NBEAL2: variants seen among roughly 807,000 people sequenced by gnomAD.
NBEAL2 encodes neurobeachin like 2, also known as neurobeachin-like protein 2.
Under a neutral mutation model 299.8 loss-of-function variants are expected in NBEAL2, and 160 were observed. The ratio of observed to expected loss-of-function variants is 0.53; its 90% CI spans 0.47 to 0.61. The LOEUF (loss-of-function observed/expected upper bound fraction) is 0.61, where lower values mean the gene tolerates loss of function less well. Ranked by LOEUF, NBEAL2 falls within the 20% of genes least tolerant of loss-of-function variation. NBEAL2 has a pLI of 0.00. For synonymous variants in NBEAL2, 1,493 were observed against 1,542.3 expected, an observed-to-expected ratio of 0.97 and a Z score of 0.75; for missense variants, 3,112 against 3,649.0, an observed-to-expected ratio of 0.85 and a Z score of 3.79.
Position 47,008,673 on chromosome 3 carries a change from G to C in NBEAL2, c.8027+5G>C. ...GCACATCCTCCAACTAAACACGTAAGCCCCCCATTTATGGGTTCATGGCCC... is the reference window on the plus strand; with the variant it reads ...GCACATCCTCCAACTAAACACGTAACCCCCCCATTTATGGGTTCATGGCCC... On this transcript the variant is annotated splice_donor_5th_base_variant and intron_variant, in intron 52 of 53. Transcript: ENST00000450053. The C allele has an allele frequency of 1.9e-6, 3 of 1,613,072 alleles. No homozygotes were observed. Among genetic ancestry groups the C allele is most frequent in the Non-Finnish European group, 2.5e-6 (3 of 1,179,858 alleles).
At chr3:46,994,688 A>G (rs2036351294) in intron 12 of NBEAL2, 135 bp downstream of exon 12, 1 of 798,042 alleles carries the variant, frequency 1.3e-6, no homozygotes, top group South Asian at 1.8e-5. Context: ...TAGCCTGGCC[A>G]TGTCTGTTAG....
rs1040285734 is a variant in NBEAL2, at chr3:47,000,649, C to T, written c.4305+245C>T. Among the ~76,000 whole-genome samples, 6 of 152,178 alleles carry T rather than the reference C, an allele frequency of 3.9e-5. No individual in the cohort carries two copies. The highest frequency in any genetic ancestry group is 4.4e-5 in the Non-Finnish European group (3 of 68,030). Reference sequence around the variant, plus strand: ...ACCAGCCAGGCTTCAGAAGGGCCCTCAAGAGAGCCTGTAGGGCAGACACCT... The same window carrying T: ...ACCAGCCAGGCTTCAGAAGGGCCCTTAAGAGAGCCTGTAGGGCAGACACCT... On this transcript the variant is annotated intron_variant, in intron 27 of 53. Transcript: ENST00000450053. The surrounding 1 kb of genome is among the most constrained non-coding windows in gnomAD (Gnocchi z 4.5).
At chr3:46,998,595 G>T in intron 22 of NBEAL2, 30 bp downstream of exon 22, 1 of 1,595,536 alleles carries the variant, frequency 6.3e-7, no homozygotes. Context: ...ATGGGCCATG[G>T]GGGGCTGACA....
Position 46,991,126 on chromosome 3 carries a change from C to G in NBEAL2, c.557-93C>G, listed in dbSNP as rs1476803549. The G allele has an allele frequency of 2.6e-6, 3 of 1,156,584 alleles. No individual in the cohort carries two copies. In the African/African-American group the frequency reaches 4.6e-5, roughly 18 times the overall value. 71.6% of individuals were successfully genotyped at this position (1,156,584 alleles called of 1,614,324 possible). A position where few individuals can be genotyped will look rare whatever the true frequency, so the allele number is the denominator to read the frequency against. ...TTTACTTGGCCCAGCTCCCTCTCCCCTCCACCCCAGGGCACTCACCTCTTG... is the reference window on the plus strand; with the variant it reads ...TTTACTTGGCCCAGCTCCCTCTCCCGTCCACCCCAGGGCACTCACCTCTTG... On this transcript the variant is annotated intron_variant, in intron 6 of 53. Transcript: ENST00000450053. The surrounding 1 kb of genome is among the most constrained non-coding windows in gnomAD (Gnocchi z 6.2).
intron 25 of NBEAL2, 46 bp downstream of exon 25, chr3:46,999,520 A>G (rs745762370): frequency 6.3e-7 from 1 of 1,583,992 alleles, no homozygotes. Flanking sequence ...ATGTCAGAAA[A>G]ACAGGGCAGG....
rs1178178283 is a variant in NBEAL2 at position 47,009,562 on chromosome 3, C to T, written c.*242C>T. 1 of 551,780 alleles carries T rather than the reference C, an allele frequency of 1.8e-6. No homozygotes were observed. Among genetic ancestry groups the T allele is most frequent in the East Asian group, 3.2e-5 (1 of 31,470 alleles). 34.2% of individuals were successfully genotyped at this position (551,780 alleles called of 1,614,324 possible). A position where few individuals can be genotyped will look rare whatever the true frequency, so the allele number is the denominator to read the frequency against. On this transcript the variant is annotated 3_prime_UTR_variant, in exon 54 of 54. Coordinates refer to ENST00000450053, the MANE Select transcript of NBEAL2 (RefSeq NM_015175.3). ...GCACTGGCGTCTGCGGCCGCAGCAG[C>T]ACTTTTTGCACAGTCTGGGGCGGGG...
Position 47,000,381 on chromosome 3 carries a change from A to G in NBEAL2, c.4282A>G (p.Thr1428Ala). ...LPEPTISGDD[T>A]SNTSNPQQTS... Reference sequence around the variant, plus strand: ...GGAGCCCACCATTAGCGGGGATGATACCTCGAACACCAGCAACCCACAGGT... The same window carrying G: ...GGAGCCCACCATTAGCGGGGATGATGCCTCGAACACCAGCAACCCACAGGT... Residue 1428 changes from threonine (T) to alanine (A), a missense_variant, in exon 27 of 54, where the codon ACC becomes GCC. Coordinates refer to ENST00000450053, the MANE Select transcript of NBEAL2 (RefSeq NM_015175.3). This position sits in a 1 kb window ranked among gnomAD's most constrained non-coding sequence, Gnocchi z 4.5. 1 of 1,577,056 alleles carries G rather than the reference A, an allele frequency of 6.3e-7. No homozygotes were observed. The highest frequency in any genetic ancestry group is 8.6e-7 in the Non-Finnish European group (1 of 1,158,494).
intron 47 of NBEAL2, 24 bp from the exon 48 acceptor site, chr3:47,007,501 T>A (rs2107455004): frequency 6.2e-7 from 1 of 1,600,332 alleles, no homozygotes; most frequent in East Asian, 2.3e-5. Flanking sequence ...CTGGCCTCAC[T>A]TGCTATCCCC....
chr3:47,005,838 C>T lies in NBEAL2; in HGVS notation c.6792C>T (p.Arg2264=), dbSNP rs1340484861. 2 of 1,613,376 alleles carry T rather than the reference C, an allele frequency of 1.2e-6. No individual in the cohort carries two copies. The highest frequency in any genetic ancestry group is 1.7e-5 in the Admixed American group (1 of 60,028). Reference sequence around the variant, plus strand: ...CTGAGGACTTCATCCAGCAGCACCGCCAGGCTCTGGTGAGGAAGGAACCAC... The same window carrying T: ...CTGAGGACTTCATCCAGCAGCACCGTCAGGCTCTGGTGAGGAAGGAACCAC... ...SSPEDFIQQH[R]QALESEYVSA... is the part of the protein sequence containing the mutation. Residue 2264 remains arginine (R), a synonymous_variant, in exon 42 of 54, where the codon CGC becomes CGT. Coordinates refer to ENST00000450053, the MANE Select transcript of NBEAL2 (RefSeq NM_015175.3).
In NBEAL2 at chr3:47,007,662, G is replaced by C. The variant is rs1377087772; in HGVS notation, c.7472G>C (p.Arg2491Pro). ...AGCCTGCGGGTGACTGCACTACCCC[G>C]TGGCAAGCTGTTGAGCCAGCTCAGC... ...DGSLRVTALP[R>P]GKLLSQLSCH... The change falls in exon 48 of 54, where the codon CGT (arginine) becomes CCT (proline). Residue 2491 changes from arginine to proline, a missense_variant. This residue lies in a region of NBEAL2 where 348 missense variants were observed against 381.4 expected (regional missense o/e 0.91). Coordinates refer to ENST00000450053, the MANE Select transcript of NBEAL2 (RefSeq NM_015175.3). 1 of 1,609,966 alleles carries C rather than the reference G, an allele frequency of 6.2e-7. No homozygotes were observed. Among genetic ancestry groups the C allele is most frequent in the Non-Finnish European group, 8.5e-7 (1 of 1,178,012 alleles).
rs773438196 is a variant in NBEAL2, at chr3:46,998,487, T to C, written c.3143T>C (p.Ile1048Thr). 5.6e-6 allele frequency: 9 copies of C among 1,613,266 alleles called. No individual in the cohort carries two copies. The highest frequency in any genetic ancestry group is 2.2e-5 in the South Asian group (2 of 90,962). Residue 1048 changes from isoleucine to threonine, a missense_variant, in exon 22 of 54, where the codon ATA becomes ACA. Physicochemically the swap from Ile to Thr is moderately conservative, Grantham distance 89. This residue lies in a region of NBEAL2 where 2,243 missense variants were observed against 2,538.1 expected (regional missense o/e 0.88). Transcript: ENST00000450053. ...GGTCACATCCAGTACATGTCCAGCATAGTTCGGGAGCACAGACAGAAGCTG... is the reference window on the plus strand; with the variant it reads ...GGTCACATCCAGTACATGTCCAGCACAGTTCGGGAGCACAGACAGAAGCTG... ...RLGHIQYMSS[I>T]VREHRQKLRK...
intron 24 of NBEAL2, 92 bp downstream of exon 24, chr3:46,999,209 T>G: frequency 6.5e-7 from 1 of 1,534,034 alleles, no homozygotes; most frequent in African/African-American, 1.4e-5. Context: ...GGCCAGCGGA[T>G]GAAGCTGCCT....
rs2037387812 is a variant in NBEAL2 at position 47,005,731 on chromosome 3, G to C, written c.6692-7G>C. 1 of 1,613,340 alleles carries C rather than the reference G, an allele frequency of 6.2e-7. No homozygotes were observed. Among genetic ancestry groups the C allele is most frequent in the East Asian group, 2.2e-5 (1 of 44,878 alleles). On this transcript the variant is annotated splice_region_variant and splice_polypyrimidine_tract_variant and intron_variant, in intron 41 of 53. Coordinates refer to ENST00000450053, the MANE Select transcript of NBEAL2 (RefSeq NM_015175.3). Reference sequence around the variant, plus strand: ...AGGGAGACAGCTGACCCAGTCCTCTGTGCCAGGTTTTGACCTGGGCTGTCT... The same window carrying C: ...AGGGAGACAGCTGACCCAGTCCTCTCTGCCAGGTTTTGACCTGGGCTGTCT...
chr3:46,981,884 G>GTT (rs1254714961), intron 1 of NBEAL2: 1 of 152,328 alleles, frequency 6.6e-6, no homozygotes, highest in Non-Finnish European at 1.5e-5. Flanking sequence ...TCAGGAGGTG[G>GTT]TTATGGCTCA....
chr3:46,988,111 C>A lies in NBEAL2; in HGVS notation c.52-558C>A. ...CAAGGGTGGGTGGAGGTTCCCGGGG[C>A]AAGGCAGGGCCGCACATGAGGATGT... On this transcript the variant is annotated intron_variant, in intron 1 of 53. Coordinates refer to ENST00000450053, the MANE Select transcript of NBEAL2 (RefSeq NM_015175.3). This position sits in a 1 kb window ranked among gnomAD's most constrained non-coding sequence, Gnocchi z 4.4. The A allele has an allele frequency of 8.5e-7, 1 of 1,175,708 alleles. No homozygotes were observed. The highest frequency in any genetic ancestry group is 6.9e-5 in the East Asian group (1 of 14,390). The allele number at this position is 1,175,708 out of a possible 1,614,324, so 72.8% of individuals were successfully genotyped here.
At position 46,991,352 on chromosome 3, in the gene NBEAL2, T is replaced by A. The variant is rs1298090359; in HGVS notation, c.642+48T>A. On this transcript the variant is annotated intron_variant, in intron 7 of 53. Coordinates refer to ENST00000450053, the MANE Select transcript of NBEAL2 (RefSeq NM_015175.3). The surrounding 1 kb of genome is among the most constrained non-coding windows in gnomAD (Gnocchi z 6.2). The stretch of plus-strand genomic sequence containing the variant: ...GGACTAGAGAGCAGCTCTTTCAGTA[T>A]CTCTCTGCTGGGTGAGCCCCTTGCC... 6.3e-7 allele frequency: 1 copy of A among 1,584,078 alleles called. No homozygotes were observed. The highest frequency in any genetic ancestry group is 1.8e-5 in the Admixed American group (1 of 55,052).
Position 46,991,606 on chromosome 3 carries a change from C to T in NBEAL2, c.843C>T (p.Phe281=). 2.5e-6 allele frequency: 4 copies of T among 1,600,590 alleles called. No homozygotes were observed. The highest frequency in any genetic ancestry group is 1.7e-6 in the Non-Finnish European group (2 of 1,179,812). The change falls in exon 8 of 54, where the codon TTC becomes TTT. Residue 281 remains phenylalanine (F), a synonymous_variant. Transcript: ENST00000450053. This position sits in a 1 kb window ranked among gnomAD's most constrained non-coding sequence, Gnocchi z 6.2. The stretch of plus-strand genomic sequence containing the variant: ...TTCGTGCCCTGCTTGAGAGCTACTT[C>T]CATGTCCTTAATGCTGACTGGCCAG... ...PELRALLESY[F]HVLNADWPAG... is the part of the protein sequence containing the mutation.
In NBEAL2 at chr3:46,984,850, G is replaced by A. The variant is rs73831457; in HGVS notation, c.52-3819G>A. On this transcript the variant is annotated intron_variant, in intron 1 of 53. Coordinates refer to ENST00000450053, the MANE Select transcript of NBEAL2 (RefSeq NM_015175.3). ...GGGGTTGTTGCCTGGAATTCAGGGA[G>A]CTCGGGCAGGCCAGAGCCCCTGGAT... 2.1e-3 allele frequency among the ~76,000 whole-genome samples: 321 copies of A among 152,270 alleles called. 2 individuals are homozygous for A. The highest frequency in any genetic ancestry group is 7.4e-3 in the African/African-American group (308 of 41,554).
chr3:46,988,947 C>G lies in NBEAL2; in HGVS notation c.246C>G (p.Leu82=), dbSNP rs1345803932. 5.6e-6 allele frequency: 9 copies of G among 1,612,618 alleles called. No homozygotes were observed. The highest frequency in any genetic ancestry group is 2.7e-5 in the African/African-American group (2 of 74,908). Residue 82 remains leucine, a synonymous_variant, in exon 3 of 54, where the codon CTC becomes CTG. Transcript: ENST00000450053. The surrounding 1 kb of genome is among the most constrained non-coding windows in gnomAD (Gnocchi z 4.4). ...QADLEQALLL[L]KLFIILCRNL... ...ACCTGGAGCAAGCCCTCCTGCTGCT[C>G]AAGCTCTTCATCATTCTCTGCAGGT...
Sources: allele counts gnomAD v4.1 joint callset (sites outside exome capture counted in the v4.1 genomes callset), GRCh38; gene constraint gnomAD v4.1.1; regional missense constraint gnomAD v4.1.1; non-coding constraint Gnocchi (gnomAD v3.1); transcripts MANE v1.5; gene names NCBI Gene and HGNC (gene_info 2026-07-23, HGNC 2026-07-21).